The following DNAH3 variants were observed in gnomAD, a reference collection of about 807,000 sequenced individuals.
The protein encoded by DNAH3 is axonemal beta dynein heavy chain 3.
A neutral mutation model predicts 432.5 loss-of-function variants in DNAH3; 332 were observed. The observed-to-expected ratio is 0.77, with a 90% CI of 0.70 to 0.84. The LOEUF is 0.84. DNAH3 is among the 40% of genes least tolerant of loss of function. DNAH3 has a pLI of 0.00. For missense variants in DNAH3, 4,861 were observed against 5,114.0 expected, an observed-to-expected ratio of 0.95 and a Z score of 1.51; for synonymous variants, 1,956 against 1,900.2, an observed-to-expected ratio of 1.03 and a Z score of -0.76.
At chr16:20,965,688 A>G (rs2085024075) in intron 52 of DNAH3, among the ~76,000 whole-genome samples, 1 of 152,108 alleles carries the variant, frequency 6.6e-6, no homozygotes, top group Non-Finnish European at 1.5e-5. Context: ...CTGGCTCCTG[A>G]CCAGACCTCA....
intron 41 of DNAH3, among the ~76,000 whole-genome samples, chr16:21,017,619 C>T (rs192228341): frequency 1.4e-4 from 21 of 152,250 alleles, no homozygotes; most frequent in South Asian, 1.2e-3. Flanking sequence ...CCACCTTGGG[C>T]GCATGTTTGT....
intron 52 of DNAH3, among the ~76,000 whole-genome samples, chr16:20,969,049 G>A (rs2085194556): frequency 6.6e-6 from 1 of 151,408 alleles, no homozygotes; most frequent in Admixed American, 6.6e-5. Flanking sequence ...CATCTCACTT[G>A]TGCATGCAAG....
chr16:21,062,905 C>T (rs977172004), intron 24 of DNAH3: 10 of 521,280 alleles, frequency 1.9e-5, no homozygotes, highest in Non-Finnish European at 2.7e-5. Context: ...CCAGGCTAGA[C>T]TTGAACTCCT....
intron 35 of DNAH3, among the ~76,000 whole-genome samples, 163 bp from the exon 36 acceptor site, chr16:21,034,248 C>A (rs1277322740): frequency 6.6e-6 from 1 of 152,204 alleles, no homozygotes; most frequent in African/African-American, 2.4e-5. Context: ...GTTTACATAT[C>A]TTTCAGACGA....
intron 11 of DNAH3, among the ~76,000 whole-genome samples, chr16:21,118,179 A>T (rs906745320): frequency 3.3e-5 from 5 of 151,622 alleles, no homozygotes; most frequent in African/African-American, 1.2e-4. Context: ...GTAGAGACAG[A>T]GCTTCACCAT....
intron 40 of DNAH3, among the ~76,000 whole-genome samples, chr16:21,020,403 T>A (rs1478712826): frequency 2.2e-3 from 112 of 50,346 alleles, no homozygotes; most frequent in African/African-American, 7.9e-3. Context: ...ATATATTTTT[T>A]TTTTTTTTTT....
At chr16:20,996,145 G>T (rs1361568917) in intron 44 of DNAH3, among the ~76,000 whole-genome samples, 1 of 152,184 alleles carries the variant, frequency 6.6e-6, no homozygotes, top group African/African-American at 2.4e-5. Flanking sequence ...TGAAAACTGT[G>T]CAGCCTTTGT....
chr16:21,155,138 T>C (rs1015895388), intron 1 of DNAH3, among the ~76,000 whole-genome samples: 8 of 151,638 alleles, frequency 5.3e-5, no homozygotes, highest in African/African-American at 1.7e-4. Context: ...TTAGTAGAGA[T>C]GGGGTTTTGC....
chr16:20,955,584 G>A (rs1255957940), intron 54 of DNAH3, among the ~76,000 whole-genome samples: 1 of 151,928 alleles, frequency 6.6e-6, no homozygotes, highest in Admixed American at 6.6e-5. Flanking sequence ...ACAGGTGTGA[G>A]TCCCCGTGCC....
intron 21 of DNAH3, 38 bp from the exon 22 acceptor site, chr16:21,070,864 A>G: frequency 8.0e-7 from 1 of 1,253,034 alleles, no homozygotes; most frequent in Non-Finnish European, 1.2e-6. Context: ...AAGATTGTGA[A>G]ACCTCCCCAT....
At chr16:21,021,902 C>CAA in intron 40 of DNAH3, 69 bp downstream of exon 40, 9 of 1,344,998 alleles carry the variant, frequency 6.7e-6, no homozygotes, top group Middle Eastern at 1.9e-4. Flanking sequence ...GACTTCATCT[C>CAA]AAAAAAAAAA....
chr16:21,051,747 T>C (rs2089964307), exon 29 of DNAH3: 17 of 1,614,032 alleles, frequency 1.1e-5, no homozygotes, highest in Non-Finnish European at 1.4e-5. Context: ...ACAAGGCTTC[T>C]GTGGTGATAA....
intron 49 of DNAH3, among the ~76,000 whole-genome samples, chr16:20,980,260 T>TTATATTATAATATACATCATA (rs2085817285): frequency 7.8e-6 from 1 of 129,028 alleles, no homozygotes; most frequent in Non-Finnish European, 1.7e-5. Flanking sequence ...ACATCATATA[T>TTATATTATAATATACATCATA]TATATTATAA....
chr16:20,983,472 C>T (rs1327731489), intron 48 of DNAH3, among the ~76,000 whole-genome samples: 1 of 152,124 alleles, frequency 6.6e-6, no homozygotes, highest in African/African-American at 2.4e-5. Context: ...GTTCCTTCCG[C>T]ATCCTTCGGG....
At chr16:21,041,975 G>C (rs1377079321) in intron 32 of DNAH3, 52 bp downstream of exon 32, 3 of 1,606,084 alleles carry the variant, frequency 1.9e-6, no homozygotes, top group Admixed American at 3.3e-5. Flanking sequence ...ACCCGGCCCA[G>C]AGGTTTCTAT....
exon 50 of DNAH3, chr16:20,979,348 G>T: frequency 6.2e-7 from 1 of 1,614,028 alleles, no homozygotes. Flanking sequence ...CTGCAAAGTC[G>T]AGTTTCTGCA....
chr16:21,084,171 A>C, intron 19 of DNAH3, among the ~76,000 whole-genome samples: 1 of 152,176 alleles, frequency 6.6e-6, no homozygotes, highest in South Asian at 2.1e-4. Context: ...AAATGGAGAT[A>C]ATAATAATCT....
At chr16:21,139,048 T>C (rs988818993) in intron 5 of DNAH3, among the ~76,000 whole-genome samples, 3 of 152,176 alleles carry the variant, frequency 2.0e-5, no homozygotes, top group Non-Finnish European at 4.4e-5. Flanking sequence ...TTATTAATCA[T>C]TTTATTATAC....
At chr16:20,946,978 T>C (rs2084076514) in intron 57 of DNAH3, among the ~76,000 whole-genome samples, 1 of 151,620 alleles carries the variant, frequency 6.6e-6, no homozygotes. Flanking sequence ...GTGCATGCCA[T>C]CACACCCGGC....
Sources: gnomAD v4.1 joint callset for allele counts (sites outside exome capture counted in the v4.1 genomes callset) on GRCh38, gnomAD v4.1.1 for gene constraint, MANE v1.5 for transcripts, NCBI Gene and HGNC (gene_info 2026-07-23, HGNC 2026-07-21) for gene names.